The following HERC1 variants were observed in gnomAD, a reference collection of about 807,000 sequenced individuals.
HERC1 encodes the protein HECT and RLD domain containing E3 ubiquitin protein ligase family member 1, also known as probable E3 ubiquitin-protein ligase HERC1.
A neutral mutation model predicts 554.3 loss-of-function variants in HERC1; 160 were observed. The ratio of observed to expected loss-of-function variants is 0.29; its 90% CI spans 0.25 to 0.33. The LOEUF (loss-of-function observed/expected upper bound fraction) is 0.33, where lower values mean the gene tolerates loss of function less well. Among genes scored for constraint, HERC1 ranks in the 10% least tolerant of loss-of-function variants. The pLI, the probability that HERC1 is intolerant of heterozygous loss-of-function variation, is 1.00. For missense variants in HERC1, 4,919 were observed against 5,918.5 expected, an observed-to-expected ratio of 0.83 and a Z score of 5.54; for synonymous variants, 2,175 against 2,131.7, an observed-to-expected ratio of 1.02 and a Z score of -0.56.
chr15:63,829,561 G>GTGTGTGTGTGTGTATA (rs1220043639), intron 1 of HERC1, among the ~76,000 whole-genome samples: 1 of 81,730 alleles, frequency 1.2e-5, no homozygotes, highest in African/African-American at 5.2e-5. Flanking sequence ...GTGTGTGTGT[G>GTGTGTGTGTGTGTATA]TATATATATA....
At chr15:63,645,208 A>G (rs1272962748) in intron 56 of HERC1, 111 bp from the exon 57 acceptor site, 19 of 839,614 alleles carry the variant, frequency 2.3e-5, no homozygotes, top group Non-Finnish European at 3.3e-5. Flanking sequence ...TATTTTTTAA[A>G]CTTATTTGTA....
chr15:63,775,007 A>C lies in HERC1; in HGVS notation c.617T>G (p.Leu206Ter). The change falls in exon 2 of 78, where the codon TTA becomes TGA. Residue 206 changes from leucine (L) to a stop codon, truncating the protein, a stop_gained. Coordinates refer to ENST00000443617, the MANE Select transcript of HERC1 (RefSeq NM_003922.4). LOFTEE classifies it high-confidence loss of function. This position sits in a 1 kb window ranked among gnomAD's most constrained non-coding sequence, Gnocchi z 4.0. ...AATCTTGCTTTCATTTGCTAATGAT[A>C]ATGGTGGCAAAGAGCTCACAACTTC... ...AIEVVSSLPP[L>*]SLANESKIPP... is the part of the protein sequence containing the mutation. 6.2e-7 allele frequency: 1 copy of C among 1,614,034 alleles called. No individual in the cohort carries two copies. The highest frequency in any genetic ancestry group is 8.5e-7 in the Non-Finnish European group (1 of 1,179,882).
At chr15:63,621,353 CGA>C (rs1434014561) in intron 74 of HERC1, among the ~76,000 whole-genome samples, 2 of 152,150 alleles carry the variant, frequency 1.3e-5, no homozygotes, top group Non-Finnish European at 2.9e-5. Flanking sequence ...GAGTTTCTGC[CGA>C]GATATCTGCT....
chr15:63,628,920 C>T (rs1375640864), intron 69 of HERC1, 105 bp from the exon 70 acceptor site: 1 of 1,014,184 alleles, frequency 9.9e-7, no homozygotes, highest in Non-Finnish European at 1.5e-6. Context: ...AAGTTAATAA[C>T]TGTACCATGC....
At chr15:63,668,458 G>T (rs1023878558) in intron 40 of HERC1, among the ~76,000 whole-genome samples, 1 of 152,110 alleles carries the variant, frequency 6.6e-6, no homozygotes, top group Non-Finnish European at 1.5e-5. Flanking sequence ...ACTCCAGCCC[G>T]GGTGACAGAG....
chr15:63,758,021 C>T lies in HERC1; in HGVS notation c.1221+154G>A, dbSNP rs972036927. Among the ~76,000 whole-genome samples the T allele has an allele frequency of 6.6e-6, 1 of 152,028 alleles. No individual in the cohort carries two copies. The highest frequency in any genetic ancestry group is 2.1e-4 in the South Asian group (1 of 4,824). ...CTGCGCCCAGCAAAAATTTATTTTTCTATTAAAATGAAAAAAACTAATGCA... is the reference window on the plus strand; with the variant it reads ...CTGCGCCCAGCAAAAATTTATTTTTTTATTAAAATGAAAAAAACTAATGCA... On this transcript the variant is annotated intron_variant, in intron 4 of 77. Transcript: ENST00000443617. This position sits in a 1 kb window ranked among gnomAD's most constrained non-coding sequence, Gnocchi z 4.0.
Position 63,694,429 on chromosome 15 carries a change from G to C in HERC1, c.5363C>G (p.Thr1788Arg), listed in dbSNP as rs1365521516. The part of the protein sequence containing the change: ...LLNVLSQLCG[T>R]DTMLGQPLQL... ...CAGGGGCTGTCCTAGCATGGTGTCT[G>C]TACCACACAACTGTGACAATACGTT... Residue 1788 changes from threonine to arginine, a missense_variant, in exon 29 of 78, where the codon ACA becomes AGA. Physicochemically the swap from Thr to Arg is moderately conservative, Grantham distance 71 (BLOSUM62 -1). This residue lies in a region of HERC1 where 1,121 missense variants were observed against 1,244.0 expected (regional missense o/e 0.90). Transcript: ENST00000443617. This position sits in a 1 kb window ranked among gnomAD's most constrained non-coding sequence, Gnocchi z 4.3. 4 of 1,613,844 alleles carry C rather than the reference G, an allele frequency of 2.5e-6. No homozygotes were observed. The highest frequency in any genetic ancestry group is 3.4e-6 in the Non-Finnish European group (4 of 1,179,880).
Position 63,615,761 on chromosome 15 carries a change from A to C in HERC1, c.14094+7T>G. The C allele has an allele frequency of 1.9e-6, 3 of 1,576,226 alleles. No individual in the cohort carries two copies. The highest frequency in any genetic ancestry group is 4.6e-5 in the East Asian group (2 of 43,656). Reference sequence around the variant, plus strand: ...TCATGTGTACCTCCCGAGATGTTTCATCTCACCTGTCTGTCCATCTCATGA... The same window carrying C: ...TCATGTGTACCTCCCGAGATGTTTCCTCTCACCTGTCTGTCCATCTCATGA... On this transcript the variant is annotated splice_region_variant and intron_variant, in intron 76 of 77. Transcript: ENST00000443617.
rs1219678787 is a variant in HERC1, at chr15:63,734,491, G to T, written c.2646+233C>A. Among the ~76,000 whole-genome samples the T allele has an allele frequency of 6.6e-6, 1 of 151,996 alleles. No individual in the cohort carries two copies. Among genetic ancestry groups the T allele is most frequent in the South Asian group, 2.1e-4 (1 of 4,818 alleles). ...CAGAGTGTCTGGCTTAGTACCATAA[G>T]AAACACTGGAAAAATTAGTCCTTAT... On this transcript the variant is annotated intron_variant, in intron 13 of 77. Coordinates refer to ENST00000443617, the MANE Select transcript of HERC1 (RefSeq NM_003922.4). This position sits in a 1 kb window ranked among gnomAD's most constrained non-coding sequence, Gnocchi z 4.6.
At position 63,774,951 on chromosome 15, in the gene HERC1, C is replaced by T. The variant is rs772254983; in HGVS notation, c.673G>A (p.Val225Ile). ...GTGACTCCTTTAAGAAATGTTGTTA[C>T]TTGCGATAAGCAGTCCAAGCCCATA... ...PPMGLDCLSQ[V>I]TTFLKGVTIP... The change falls in exon 2 of 78, where the codon GTA becomes ATA. Residue 225 changes from valine (V) to isoleucine (I), a missense_variant. By Grantham distance (29) the Val-to-Ile change is conservative (BLOSUM62 3). Transcript: ENST00000443617. The T allele has an allele frequency of 5.8e-5, 94 of 1,613,888 alleles. No homozygotes were observed. Among genetic ancestry groups the T allele is most frequent in the Non-Finnish European group, 7.6e-5 (90 of 1,179,890 alleles).
chr15:63,659,626 G>GT, intron 47 of HERC1, 110 bp downstream of exon 47: 2 of 759,226 alleles, frequency 2.6e-6, no homozygotes, highest in Middle Eastern at 3.8e-4. Flanking sequence ...GTGAGATAAT[G>GT]TTGAACCATT....
intron 1 of HERC1, among the ~76,000 whole-genome samples, chr15:63,815,997 C>A (rs1361934034): frequency 5.3e-5 from 8 of 152,048 alleles, no homozygotes; most frequent in Admixed American, 2.6e-4. Context: ...ACCATCCCCA[C>A]GATTCATTTA....
At chr15:63,738,431 T>G (rs1482911097) in intron 12 of HERC1, among the ~76,000 whole-genome samples, 1 of 152,212 alleles carries the variant, frequency 6.6e-6, no homozygotes, top group Non-Finnish European at 1.5e-5. Flanking sequence ...CAATACTAAT[T>G]TATTTGTTTT....
chr15:63,678,218 T>A lies in HERC1; in HGVS notation c.6697A>T (p.Ile2233Phe). 6.2e-7 allele frequency: 1 copy of A among 1,613,972 alleles called. No homozygotes were observed. Among genetic ancestry groups the A allele is most frequent in the Non-Finnish European group, 8.5e-7 (1 of 1,179,868 alleles). The stretch of plus-strand genomic sequence containing the variant: ...AGCCTTTCCATCATTTTTTTGTTAA[T>A]GCAGTAAGTCCAACGGTCTGTTCGG... ...LHRTDRWTYCINKKMMERLHK... is the reference protein window; with the variant it reads ...LHRTDRWTYCFNKKMMERLHK... The change falls in exon 37 of 78, where the codon ATT (isoleucine) becomes TTT (phenylalanine). Residue 2233 changes from isoleucine (I) to phenylalanine (F), a missense_variant. This residue lies in a region of HERC1 where 1,963 missense variants were observed against 2,228.6 expected (regional missense o/e 0.88). Coordinates refer to ENST00000443617, the MANE Select transcript of HERC1 (RefSeq NM_003922.4).
At chr15:63,746,024 T>G (rs964850531) in intron 12 of HERC1, among the ~76,000 whole-genome samples, 1 of 152,164 alleles carries the variant, frequency 6.6e-6, no homozygotes, top group Non-Finnish European at 1.5e-5. Flanking sequence ...GTTCTTTATT[T>G]TTTTAATTTC....
chr15:63,723,020 T>G (rs139264101), intron 19 of HERC1, among the ~76,000 whole-genome samples, 162 bp downstream of exon 19: 1 of 152,212 alleles, frequency 6.6e-6, no homozygotes, highest in East Asian at 1.9e-4. Flanking sequence ...TACACTATTT[T>G]CCACAAAGGG....
chr15:63,658,114 G>A (rs1361802884), intron 48 of HERC1, among the ~76,000 whole-genome samples: 1 of 152,118 alleles, frequency 6.6e-6, no homozygotes, highest in African/African-American at 2.4e-5. Flanking sequence ...TTCTTAAACA[G>A]CTGTCTTTTA....
chr15:63,666,611 T>TGC (rs2070655301), intron 40 of HERC1, 139 bp from the exon 41 acceptor site: 3 of 602,742 alleles, frequency 5.0e-6, no homozygotes, highest in Non-Finnish European at 5.9e-6. Flanking sequence ...GGCTGGGCAC[T>TGC]GTGGCTCACA....
At chr15:63,745,194 A>C (rs1348783175) in intron 12 of HERC1, among the ~76,000 whole-genome samples, 1 of 152,146 alleles carries the variant, frequency 6.6e-6, no homozygotes. Flanking sequence ...TGGAGCCACG[A>C]GCTGTGTAGC....
Sources: gnomAD v4.1 joint callset for allele counts (sites outside exome capture counted in the v4.1 genomes callset) on GRCh38, gnomAD v4.1.1 for gene constraint, gnomAD v4.1.1 regional missense constraint, Gnocchi (gnomAD v3.1) non-coding constraint, MANE v1.5 for transcripts, NCBI Gene and HGNC (gene_info 2026-07-23, HGNC 2026-07-21) for gene names.